TBC1D12: variants seen among roughly 807,000 people sequenced by gnomAD.
TBC1D12 encodes TBC1 domain family, member 12.
Under a neutral mutation model 86.7 loss-of-function variants are expected in TBC1D12, and 56 were observed. The observed-to-expected ratio is 0.65, with a 90% CI of 0.52 to 0.81. The LOEUF is 0.81. Ranked by LOEUF, TBC1D12 falls within the 30% of genes least tolerant of loss-of-function variation. The probability of loss-of-function intolerance (pLI) is 0.00; values close to 1 mark genes in which losing one functional copy is unlikely to be tolerated. For synonymous variants in TBC1D12, 421 were observed against 411.7 expected, an observed-to-expected ratio of 1.02 and a Z score of -0.27; for missense variants, 1,023 against 1,038.8, an observed-to-expected ratio of 0.98 and a Z score of 0.21.
At chr10:94,454,277 A>T (rs963495026) in intron 2 of TBC1D12, among the ~76,000 whole-genome samples, 1 of 152,092 alleles carries the variant, frequency 6.6e-6, no homozygotes, top group South Asian at 2.1e-4. Flanking sequence ...GCTGGAGTGC[A>T]GTGGCGCCAC....
rs749769737 is a variant in TBC1D12, at chr10:94,403,527, C to T, written c.914C>T (p.Pro305Leu). The T allele has an allele frequency of 5.2e-6, 8 of 1,537,520 alleles. No homozygotes were observed. The highest frequency in any genetic ancestry group is 2.5e-5 in the East Asian group (1 of 39,624). ...PVPLPAAEQG[P>L]AGASARARRS... ...CCCTTGCCCGCCGCGGAGCAGGGTC[C>T]TGCGGGGGCTTCGGCCCGGGCTCGA... The change falls in exon 1 of 13, where the codon CCT (proline) becomes CTT (leucine). Residue 305 changes from proline to leucine, a missense_variant. Transcript: ENST00000225235.
chr10:94,435,961 C>A (rs1196483170), intron 1 of TBC1D12, among the ~76,000 whole-genome samples: 1 of 152,150 alleles, frequency 6.6e-6, no homozygotes, highest in East Asian at 1.9e-4. Flanking sequence ...CCTGTGTTTC[C>A]ATTTATGCTT....
At chr10:94,472,918 T>C (rs1478874054) in intron 2 of TBC1D12, among the ~76,000 whole-genome samples, 2 of 152,138 alleles carry the variant, frequency 1.3e-5, no homozygotes, top group African/African-American at 4.8e-5. Flanking sequence ...AGCATAGATA[T>C]AGTAGATGGA....
At chr10:94,488,903 TCTC>T (rs556684299) in intron 3 of TBC1D12, among the ~76,000 whole-genome samples, 370 of 152,150 alleles carry the variant, frequency 2.4e-3, no homozygotes, top group African/African-American at 8.6e-3. Flanking sequence ...TACCCTTCTT[TCTC>T]CTCTCCTCAA....
chr10:94,434,168 T>C (rs2134080184), intron 1 of TBC1D12, among the ~76,000 whole-genome samples: 1 of 152,286 alleles, frequency 6.6e-6, no homozygotes, highest in African/African-American at 2.4e-5. Context: ...CCCAATGCAG[T>C]GTAGGCAGAG....
At chr10:94,487,209 A>C (rs1013891538) in intron 3 of TBC1D12, among the ~76,000 whole-genome samples, 1 of 148,220 alleles carries the variant, frequency 6.7e-6, no homozygotes, top group Non-Finnish European at 1.5e-5. Flanking sequence ...TTATAGGTGA[A>C]GGGTGTTTCT....
intron 1 of TBC1D12, among the ~76,000 whole-genome samples, chr10:94,409,191 G>A (rs747513031): frequency 2.6e-5 from 4 of 151,946 alleles, no homozygotes; most frequent in Non-Finnish European, 4.4e-5. Flanking sequence ...CTAAAGCACC[G>A]GAAATCCAGC....
intron 6 of TBC1D12, among the ~76,000 whole-genome samples, chr10:94,503,089 G>A (rs1165701982): frequency 6.6e-6 from 1 of 151,906 alleles, no homozygotes; most frequent in Non-Finnish European, 1.5e-5. Context: ...AATCTATCTT[G>A]AACATCTTCC....
intron 2 of TBC1D12, among the ~76,000 whole-genome samples, chr10:94,472,364 G>T (rs139654415): frequency 6.6e-6 from 1 of 152,206 alleles, no homozygotes; most frequent in African/African-American, 2.4e-5. Flanking sequence ...TTCAGCAAAT[G>T]AGTATACATC....
intron 6 of TBC1D12, among the ~76,000 whole-genome samples, chr10:94,506,857 G>A (rs1284918329): frequency 6.6e-6 from 1 of 152,126 alleles, no homozygotes; most frequent in Non-Finnish European, 1.5e-5. Context: ...AGTAGGTGTT[G>A]TTTTTCTCTG....
At chr10:94,498,552 C>T (rs2056353758) in intron 5 of TBC1D12, among the ~76,000 whole-genome samples, 1 of 151,998 alleles carries the variant, frequency 6.6e-6, no homozygotes. Flanking sequence ...CTCCTGGATT[C>T]AGACGATTCT....
At chr10:94,470,439 A>G (rs748671418) in intron 2 of TBC1D12, among the ~76,000 whole-genome samples, 3 of 152,052 alleles carry the variant, frequency 2.0e-5, no homozygotes, top group Admixed American at 6.6e-5. Flanking sequence ...ATTATGACCC[A>G]CTGCAGCCTC....
At chr10:94,497,009 G>T in intron 4 of TBC1D12, 46 bp from the exon 5 acceptor site, 3 of 1,154,314 alleles carry the variant, frequency 2.6e-6, no homozygotes, top group East Asian at 2.9e-5. Context: ...AAAGGATTTT[G>T]ATCTAGCTTA....
At chr10:94,454,372 G>A (rs1052411785) in intron 2 of TBC1D12, among the ~76,000 whole-genome samples, 1 of 151,992 alleles carries the variant, frequency 6.6e-6, no homozygotes, top group Admixed American at 6.6e-5. Context: ...CCACCATGCC[G>A]GGCTAATTTT....
At chr10:94,473,308 C>T (rs1348001607) in intron 2 of TBC1D12, among the ~76,000 whole-genome samples, 4 of 149,322 alleles carry the variant, frequency 2.7e-5, no homozygotes, top group East Asian at 2.0e-4. Flanking sequence ...TGCAGTGAGC[C>T]GAGACCATGC....
At position 94,497,189 on chromosome 10, in the gene TBC1D12, T is replaced by C; in HGVS notation, c.1412+17T>C. On this transcript the variant is annotated intron_variant, in intron 5 of 12. Transcript: ENST00000225235. The stretch of plus-strand genomic sequence containing the variant: ...GGAAGTAATGTAAGTAAGCAGACTT[T>C]TCCTAAATTCCCATTTGTCTCCGAA... 1 of 1,400,872 alleles carries C rather than the reference T, an allele frequency of 7.1e-7. No homozygotes were observed. Among genetic ancestry groups the C allele is most frequent in the East Asian group, 2.6e-5 (1 of 38,192 alleles). 86.8% of individuals were successfully genotyped at this position (1,400,872 alleles called of 1,614,324 possible).
At chr10:94,428,641 C>T (rs1398748393) in intron 1 of TBC1D12, among the ~76,000 whole-genome samples, 1 of 151,532 alleles carries the variant, frequency 6.6e-6, no homozygotes, top group African/African-American at 2.4e-5. Context: ...TTTTTTCTTA[C>T]CTGACCTCAT....
intron 2 of TBC1D12, among the ~76,000 whole-genome samples, chr10:94,456,026 C>CT (rs2055622614): frequency 6.6e-6 from 1 of 151,716 alleles, no homozygotes; most frequent in Non-Finnish European, 1.5e-5. Flanking sequence ...AGTGATGTCT[C>CT]TACTTTCATT....
chr10:94,530,708 C>G (rs1320933786), intron 11 of TBC1D12, among the ~76,000 whole-genome samples: 1 of 152,168 alleles, frequency 6.6e-6, no homozygotes, highest in East Asian at 1.9e-4. Flanking sequence ...TTCAGGCATT[C>G]TGGTTTCATA....
Sources: gnomAD v4.1 joint callset for allele counts (sites outside exome capture counted in the v4.1 genomes callset) on GRCh38, gnomAD v4.1.1 for gene constraint, MANE v1.5 for transcripts, NCBI Gene and HGNC (gene_info 2026-07-23, HGNC 2026-07-21) for gene names.